Variants in MICU3 observed in about 807,000 individuals in gnomAD.
MICU3 encodes the protein mitochondrial calcium uptake 3.
In MICU3, 62 loss-of-function variants were observed where a neutral mutation model predicts 66.5. That is an observed-to-expected ratio of 0.93 (90% CI 0.76 to 1.15). The LOEUF (loss-of-function observed/expected upper bound fraction) is 1.15, where lower values mean the gene tolerates loss of function less well. MICU3 is among the 50% of genes most tolerant of loss of function. MICU3 has a pLI of 0.00. For missense variants in MICU3, 779 were observed against 664.4 expected (o/e 1.17, Z -1.90); for synonymous variants, 308 against 240.7 (o/e 1.28, Z -2.59).
intron 1 of MICU3, among the ~76,000 whole-genome samples, chr8:17,037,464 T>A (rs1813237225): frequency 6.6e-6 from 1 of 152,200 alleles, no homozygotes; most frequent in African/African-American, 2.4e-5. Context: ...GCTCAGGCCA[T>A]TGCTTCAGAA....
intron 8 of MICU3, chr8:17,090,791 T>C (rs1395633642): frequency 2.6e-6 from 1 of 378,392 alleles, no homozygotes; most frequent in African/African-American, 2.1e-5. Flanking sequence ...TAATTATATA[T>C]CTTTAACTTT....
intron 10 of MICU3, 112 bp from the exon 11 acceptor site, chr8:17,105,301 A>G (rs1801646161): frequency 3.2e-6 from 2 of 617,358 alleles, no homozygotes; most frequent in Non-Finnish European, 5.5e-6. Flanking sequence ...TCTTTGCATC[A>G]TCATACAATT....
intron 1 of MICU3, among the ~76,000 whole-genome samples, chr8:17,059,586 T>C (rs1169475630): frequency 6.6e-6 from 1 of 152,178 alleles, no homozygotes; most frequent in Non-Finnish European, 1.5e-5. Context: ...AAAGAATTTG[T>C]GATTACCTAC....
At chr8:17,095,487 T>G (rs758532250) in intron 8 of MICU3, among the ~76,000 whole-genome samples, 7 of 151,830 alleles carry the variant, frequency 4.6e-5, no homozygotes, top group African/African-American at 1.7e-4. Context: ...GTGTGTGTGT[T>G]TGTCTGTGTT....
At chr8:17,030,467 G>A (rs1390897787) in intron 1 of MICU3, among the ~76,000 whole-genome samples, 1 of 152,146 alleles carries the variant, frequency 6.6e-6, no homozygotes, top group East Asian at 1.9e-4. Flanking sequence ...GATGAGAGGT[G>A]CAGTAGTCTT....
intron 3 of MICU3, among the ~76,000 whole-genome samples, chr8:17,077,472 C>T (rs1820545773): frequency 6.6e-6 from 1 of 152,122 alleles, no homozygotes; most frequent in Non-Finnish European, 1.5e-5. Flanking sequence ...TAACTGGCTC[C>T]AGGACTTAAA....
chr8:17,052,138 G>T (rs10093837), intron 1 of MICU3, among the ~76,000 whole-genome samples: 13,292 of 152,104 alleles, frequency 0.087, 1,942 homozygotes, highest in African/African-American at 0.3. Context: ...GTATGTGAAA[G>T]TACTTTATAA....
the MICU3 span, among the ~76,000 whole-genome samples, chr8:17,136,140 A>G: frequency 0.02 from 3,056 of 152,156 alleles, 113 homozygotes; most frequent in African/African-American, 0.07. Context: ...TATCATCATC[A>G]TGGTTATTAA....
intron 4 of MICU3, among the ~76,000 whole-genome samples, chr8:17,078,545 A>G (rs1820720054): frequency 1.3e-5 from 2 of 152,052 alleles, no homozygotes; most frequent in South Asian, 2.1e-4. Flanking sequence ...TTTCTTGGAA[A>G]TGTATTTTTT....
downstream of MICU3, among the ~76,000 whole-genome samples, chr8:17,123,635 A>G (rs931563202): frequency 6.6e-6 from 1 of 152,164 alleles, no homozygotes; most frequent in Non-Finnish European, 1.5e-5. Flanking sequence ...GGAGGGCAAT[A>G]GAGAAATATC....
chr8:17,027,951 G>T (rs1304061321), intron 1 of MICU3, among the ~76,000 whole-genome samples: 4 of 152,138 alleles, frequency 2.6e-5, no homozygotes, highest in Non-Finnish European at 5.9e-5. Context: ...AAAAGATTCA[G>T]AAATGAAGGC....
At chr8:17,032,440 G>T (rs992745223) in intron 1 of MICU3, among the ~76,000 whole-genome samples, 1 of 151,724 alleles carries the variant, frequency 6.6e-6, no homozygotes, top group African/African-American at 2.4e-5. Context: ...TTACTTAATT[G>T]TACAGAAGAC....
At chr8:17,117,629 A>G (rs1044529470) in intron 13 of MICU3, among the ~76,000 whole-genome samples, 1 of 127,402 alleles carries the variant, frequency 7.8e-6, no homozygotes, top group Admixed American at 8.4e-5. Context: ...TTTTTTTGAG[A>G]TGGGAGTCTT....
chr8:17,098,631 T>C, intron 9 of MICU3, 78 bp downstream of exon 9: 2 of 924,758 alleles, frequency 2.2e-6, no homozygotes, highest in South Asian at 2.7e-5. Flanking sequence ...TTAGTCACAG[T>C]GATGAAACCC....
chr8:17,081,621 C>G (rs1821195389), intron 4 of MICU3, 72 bp from the exon 5 acceptor site: 1 of 416,870 alleles, frequency 2.4e-6, no homozygotes, highest in South Asian at 4.2e-5. Flanking sequence ...AAACTACAAG[C>G]TCATTATTTA....
rs746149322 is a variant in MICU3 at position 17,104,994 on chromosome 8, CAAAAAAA to C, written c.1086-395_1086-389del. Among the ~76,000 whole-genome samples the C allele has an allele frequency of 8.0e-4, 7 of 8,716 alleles. No individual in the cohort carries two copies. The East Asian group carries it at 0.016, about 20-fold the overall frequency. 5.7% of individuals were successfully genotyped at this position (8,716 alleles called of 152,430 possible). On this transcript the variant is annotated intron_variant, in intron 10 of 14. Coordinates refer to ENST00000318063, the MANE Select transcript of MICU3 (RefSeq NM_181723.3). ...TGGGCGACAGAGCGAGACTCCGTCT[CAAAAAAA>C]AAAAAAAAAAAAAAAAAAAAAAATT...
At chr8:17,122,861 A>G (rs1479472266), downstream of MICU3, among the ~76,000 whole-genome samples, 1 of 151,346 alleles carries the variant, frequency 6.6e-6, no homozygotes, top group East Asian at 1.9e-4. Flanking sequence ...AGGAATTCCT[A>G]AATTATAGAA....
chr8:17,114,324 A>G, intron 12 of MICU3, 123 bp downstream of exon 12: 2 of 592,144 alleles, frequency 3.4e-6, no homozygotes, highest in South Asian at 2.4e-5. Context: ...TCCGGTGTAT[A>G]CTTTCAGTGA....
At chr8:17,133,538 G>A in the MICU3 span, among the ~76,000 whole-genome samples, 2,814 of 151,954 alleles carry the variant, frequency 0.019, 123 homozygotes, top group Admixed American at 0.088. Flanking sequence ...GTATTTGGAT[G>A]TGATCTTTTT....
Sources: allele counts gnomAD v4.1 joint callset (sites outside exome capture counted in the v4.1 genomes callset), GRCh38; gene constraint gnomAD v4.1.1; transcripts MANE v1.5; gene names NCBI Gene and HGNC (gene_info 2026-07-23, HGNC 2026-07-21).